The following STAMBPL1 variants were observed in gnomAD, a reference collection of about 807,000 sequenced individuals.
STAMBPL1 encodes the protein AMSH-like protease.
STAMBPL1 carries 44 observed loss-of-function variants against 52.9 expected under a neutral mutation model. That is an observed-to-expected ratio of 0.83 (90% CI 0.65 to 1.07). The LOEUF (loss-of-function observed/expected upper bound fraction) is 1.07, where lower values mean the gene tolerates loss of function less well. Among genes scored for constraint, STAMBPL1 ranks in the 50% least tolerant of loss-of-function variants. The pLI is 0.00. For synonymous variants in STAMBPL1, 164 were observed against 177.3 expected, an observed-to-expected ratio of 0.92 and a Z score of 0.60; for missense variants, 511 against 520.8, an observed-to-expected ratio of 0.98 and a Z score of 0.18.
At chr10:88,918,306 T>A (rs5010112) in intron 8 of STAMBPL1, among the ~76,000 whole-genome samples, 1 of 143,344 alleles carries the variant, frequency 7.0e-6, no homozygotes, top group African/African-American at 2.7e-5. Flanking sequence ...CACACACACA[T>A]ACACACACAC....
intron 1 of STAMBPL1, among the ~76,000 whole-genome samples, chr10:88,896,556 C>T (rs1408937179): frequency 6.6e-6 from 1 of 152,140 alleles, no homozygotes; most frequent in Non-Finnish European, 1.5e-5. Context: ...GTTGGTTTGG[C>T]CAATTAGAAA....
chr10:88,913,627 A>T (rs1487065150), intron 6 of STAMBPL1, among the ~76,000 whole-genome samples, 169 bp downstream of exon 6: 2 of 152,174 alleles, frequency 1.3e-5, no homozygotes, highest in Admixed American at 1.3e-4. Context: ...AGCTTTTACT[A>T]TATATAATCT....
chr10:88,884,215 C>T lies in STAMBPL1; in HGVS notation c.-54+3577C>T, dbSNP rs145706034. On this transcript the variant is annotated intron_variant, in intron 1 of 10. Transcript: ENST00000371926. ...AAATAAAAAACTGCTTATCACTGTT[C>T]TGAAGTAGCACAAACACAGCTATTC... Among the ~76,000 whole-genome samples, 884 of 152,312 alleles carry T rather than the reference C, an allele frequency of 5.8e-3. 11 individuals are homozygous for T. Among genetic ancestry groups the T allele is most frequent in the African/African-American group, 0.019 (804 of 41,570 alleles).
At chr10:88,915,677 C>T (rs561915094) in intron 7 of STAMBPL1, among the ~76,000 whole-genome samples, 3 of 152,268 alleles carry the variant, frequency 2.0e-5, no homozygotes, top group East Asian at 1.9e-4. Flanking sequence ...CCCTGCCTCA[C>T]GATGCTTACG....
At chr10:88,902,458 G>A (rs554917811) in intron 2 of STAMBPL1, among the ~76,000 whole-genome samples, 1 of 152,280 alleles carries the variant, frequency 6.6e-6, no homozygotes, top group East Asian at 1.9e-4. Context: ...CCTTGTAGGA[G>A]TAGCCCCATG....
intron 3 of STAMBPL1, 55 bp from the exon 4 acceptor site, chr10:88,908,647 C>T: frequency 7.1e-7 from 1 of 1,400,648 alleles, no homozygotes; most frequent in Non-Finnish European, 1.0e-6. Context: ...TATTAGAAAG[C>T]ATTATTGAAC....
At chr10:88,911,053 A>G (rs755049) in intron 5 of STAMBPL1, 42 bp downstream of exon 5, 18,237 of 1,291,274 alleles carry the variant, frequency 0.014, 408 homozygotes, top group African/African-American at 0.083. Flanking sequence ...TATTTTATGT[A>G]CAAGTATTTT....
chr10:88,922,473 C>T (rs1402556198), intron 10 of STAMBPL1, 37 bp downstream of exon 10: 4 of 1,577,048 alleles, frequency 2.5e-6, no homozygotes, highest in Non-Finnish European at 3.5e-6. Flanking sequence ...CCAGGTATTT[C>T]TTGTTCACTG....
intron 2 of STAMBPL1, among the ~76,000 whole-genome samples, chr10:88,902,522 A>C (rs1005212979): frequency 3.3e-5 from 5 of 152,162 alleles, no homozygotes; most frequent in Non-Finnish European, 7.4e-5. Flanking sequence ...CAGGACATAA[A>C]GAAAGAGAGG....
chr10:88,883,791 T>A (rs1387199234), intron 1 of STAMBPL1, among the ~76,000 whole-genome samples: 1 of 152,238 alleles, frequency 6.6e-6, no homozygotes, highest in African/African-American at 2.4e-5. Context: ...TCCCTTGATA[T>A]AAACACCAGT....
At chr10:88,890,537 T>C (rs947188744) in intron 1 of STAMBPL1, among the ~76,000 whole-genome samples, 17 of 152,150 alleles carry the variant, frequency 1.1e-4, no homozygotes, top group African/African-American at 4.1e-4. Context: ...ATGCAGGTGA[T>C]AGATTGGATG....
Position 88,916,761 on chromosome 10 carries a change from G to A in STAMBPL1, c.985G>A (p.Glu329Lys), listed in dbSNP as rs773377209. The A allele has an allele frequency of 2.6e-5, 42 of 1,610,184 alleles. No individual in the cohort carries two copies. Among genetic ancestry groups the A allele is most frequent in the Non-Finnish European group, 3.3e-5 (39 of 1,178,324 alleles). ...AGACTATTGTGACATGGAGAATGTA[G>A]AGGAATTATTCAATGTTCAGGATCA... ...GPDYCDMENVEELFNVQDQHD... is the reference protein window; with the variant it reads ...GPDYCDMENVKELFNVQDQHD... The change falls in exon 8 of 11, where the codon GAG becomes AAG. Residue 329 changes from glutamate to lysine, a missense_variant. By Grantham distance (56) the Glu-to-Lys change is moderately conservative. Coordinates refer to ENST00000371926, the MANE Select transcript of STAMBPL1 (RefSeq NM_020799.4).
chr10:88,920,126 CAGG>C (rs1314585613), intron 8 of STAMBPL1, among the ~76,000 whole-genome samples: 1 of 152,196 alleles, frequency 6.6e-6, no homozygotes, highest in Non-Finnish European at 1.5e-5. Flanking sequence ...GTTGGGATTA[CAGG>C]CATGAGCCGG....
At chr10:88,921,462 C>G in intron 9 of STAMBPL1, 67 bp downstream of exon 9, 1 of 1,278,140 alleles carries the variant, frequency 7.8e-7, no homozygotes, top group Non-Finnish European at 1.1e-6. Context: ...CCTGTGTGTC[C>G]AGACACCAGG....
chr10:88,907,537 C>G (rs1845105901), intron 3 of STAMBPL1, among the ~76,000 whole-genome samples: 1 of 152,142 alleles, frequency 6.6e-6, no homozygotes, highest in South Asian at 2.1e-4. Flanking sequence ...AATTGTGAGC[C>G]TGGTGAAAAG....
rs181619257 is a variant in STAMBPL1 at position 88,897,439 on chromosome 10, A to G, written c.-53-4217A>G. Among the ~76,000 whole-genome samples, 38 of 152,314 alleles carry G rather than the reference A, an allele frequency of 2.5e-4. No homozygotes were observed. The East Asian group carries it at 7.3e-3, about 29-fold the overall frequency. On this transcript the variant is annotated intron_variant, in intron 1 of 10. Transcript: ENST00000371926. ...GTCTTTGGAGGTTATGGTCAGGAAA[A>G]GGGGCTAGCAATAAAAGCAAGAAGG...
At chr10:88,911,829 G>A (rs1326638843) in intron 5 of STAMBPL1, among the ~76,000 whole-genome samples, 1 of 152,166 alleles carries the variant, frequency 6.6e-6, no homozygotes, top group Non-Finnish European at 1.5e-5. Flanking sequence ...TGTCCCTCAA[G>A]TGTGTATATT....
At chr10:88,907,989 T>A (rs1283760143) in intron 3 of STAMBPL1, among the ~76,000 whole-genome samples, 1 of 152,214 alleles carries the variant, frequency 6.6e-6, no homozygotes, top group East Asian at 1.9e-4. Context: ...TTTGCAAATA[T>A]TTATTGAGCA....
At position 88,922,388 on chromosome 10, in the gene STAMBPL1, T is replaced by TA. The variant is rs752994755; in HGVS notation, c.1214dup (p.Phe407LeufsTer55). ...CTGGCATGCTTGAGGTTTCTGCTTG[T>TA]AAAAAAAAGGGCTTTCATCCACACA... On this transcript the variant is annotated frameshift_variant, in exon 10 of 11. Coordinates refer to ENST00000371926, the MANE Select transcript of STAMBPL1 (RefSeq NM_020799.4). LOFTEE classifies it high-confidence loss of function. 14 of 1,612,462 alleles carry TA rather than the reference T, an allele frequency of 8.7e-6. No individual in the cohort carries two copies. The East Asian group carries it at 1.1e-4, about 13-fold the overall frequency.
Sources: gnomAD v4.1 joint callset for allele counts (sites outside exome capture counted in the v4.1 genomes callset) on GRCh38, gnomAD v4.1.1 for gene constraint, MANE v1.5 for transcripts, NCBI Gene and HGNC (gene_info 2026-07-23, HGNC 2026-07-21) for gene names.